Variants in CNTN4 observed in about 807,000 individuals in gnomAD.
CNTN4 encodes the protein contactin-4.
A neutral mutation model predicts 122.5 loss-of-function variants in CNTN4; 77 were observed. The ratio of observed to expected loss-of-function variants is 0.63; its 90% CI spans 0.52 to 0.76. The LOEUF (loss-of-function observed/expected upper bound fraction) is 0.76. Ranked by LOEUF, CNTN4 falls within the 30% of genes least tolerant of loss-of-function variation. CNTN4 has a pLI of 0.00. For synonymous variants in CNTN4, 512 were observed against 447.0 expected (o/e 1.15, Z -1.83); for missense variants, 1,256 against 1,259.1 (o/e 1.00, Z 0.04).
intron 6 of CNTN4, among the ~76,000 whole-genome samples, chr3:2,778,163 G>C (rs1253048217): frequency 2.1e-5 from 3 of 140,634 alleles, no homozygotes; most frequent in African/African-American, 5.4e-5. Context: ...GTGGTGAGCC[G>C]AGATCGCGCC....
intron 8 of CNTN4, among the ~76,000 whole-genome samples, chr3:2,875,204 A>C (rs1022239563): frequency 7.9e-5 from 12 of 152,110 alleles, no homozygotes; most frequent in Non-Finnish European, 2.9e-5. Flanking sequence ...GCTGGTCTCG[A>C]ACTTCTGACC....
At chr3:2,591,633 G>A (rs2080495957) in intron 4 of CNTN4, among the ~76,000 whole-genome samples, 1 of 51,586 alleles carries the variant, frequency 1.9e-5, no homozygotes, top group African/African-American at 6.5e-5. Context: ...CAAAGTGCTG[G>A]GATTACAGGC....
Position 2,298,827 on chromosome 3 carries a change from G to A in CNTN4, c.-144-40351G>A, listed in dbSNP as rs112749098. Among the ~76,000 whole-genome samples, 930 of 152,274 alleles carry A rather than the reference G, an allele frequency of 6.1e-3. 9 individuals carry two copies. Among genetic ancestry groups the A allele is most frequent in the African/African-American group, 0.021 (879 of 41,550 alleles). On this transcript the variant is annotated intron_variant, in intron 2 of 24. Coordinates refer to ENST00000418658, the MANE Select transcript of CNTN4 (RefSeq NM_175607.3). Reference sequence around the variant, plus strand: ...TTAAAATTAACCTATTACCTGTATGGCCATGATAGTTTTTGTGAGGAGTAA... The same window carrying A: ...TTAAAATTAACCTATTACCTGTATGACCATGATAGTTTTTGTGAGGAGTAA...
intron 2 of CNTN4, among the ~76,000 whole-genome samples, chr3:2,141,766 T>A (rs1281436948): frequency 6.6e-6 from 1 of 152,082 alleles, no homozygotes. Context: ...ACAAGCAGAA[T>A]TACCCCATAC....
chr3:2,522,032 C>A (rs2077235847), intron 3 of CNTN4, among the ~76,000 whole-genome samples: 1 of 152,076 alleles, frequency 6.6e-6, no homozygotes, highest in African/African-American at 2.4e-5. Flanking sequence ...CAATAACCTT[C>A]TAACTCTGCT....
intron 4 of CNTN4, among the ~76,000 whole-genome samples, chr3:2,712,726 G>A (rs1037928856): frequency 6.6e-6 from 1 of 152,186 alleles, no homozygotes; most frequent in African/African-American, 2.4e-5. Flanking sequence ...CATGCTTAGA[G>A]GATTGGTACT....
chr3:2,529,935 A>G (rs2077535385), intron 3 of CNTN4, among the ~76,000 whole-genome samples: 7 of 152,190 alleles, frequency 4.6e-5, no homozygotes, highest in Admixed American at 3.9e-4. Flanking sequence ...GCCCTAGTGC[A>G]GTAGATGAGC....
Position 2,922,608 on chromosome 3 carries a change from A to ATTTTT in CNTN4, c.1208-3003_1208-2999dup, listed in dbSNP as rs547782541. Among the ~76,000 whole-genome samples, 828 of 109,958 alleles carry ATTTTT rather than the reference A, an allele frequency of 7.5e-3. 21 individuals carry two copies. Among genetic ancestry groups the ATTTTT allele is most frequent in the African/African-American group, 0.02 (592 of 29,380 alleles). 72.1% of individuals were successfully genotyped at this position (109,958 alleles called of 152,430 possible). ...TGAGTTAACAAAAGAAAAGAACTTG[A>ATTTTT]TTTTTTTTTTTTTTTTTTTTTTGAG... On this transcript the variant is annotated intron_variant, in intron 12 of 24. Transcript: ENST00000418658.
chr3:2,420,473 T>C (rs1250433387), intron 3 of CNTN4, among the ~76,000 whole-genome samples: 1 of 151,814 alleles, frequency 6.6e-6, no homozygotes, highest in Non-Finnish European at 1.5e-5. Context: ...TCTCACTCTG[T>C]CCCCCAGGCT....
At chr3:2,125,475 C>A (rs549322949) in intron 2 of CNTN4, among the ~76,000 whole-genome samples, 1 of 152,104 alleles carries the variant, frequency 6.6e-6, no homozygotes, top group African/African-American at 2.4e-5. Context: ...GTGCAGATAT[C>A]ACTTCTAGAT....
At chr3:3,047,733 C>G (rs1316951739) in intron 23 of CNTN4, among the ~76,000 whole-genome samples, 1 of 150,068 alleles carries the variant, frequency 6.7e-6, no homozygotes, top group Non-Finnish European at 1.5e-5. Context: ...GAAGCAAGAG[C>G]AAACACATTC....
chr3:2,991,647 A>G (rs1695061993), intron 14 of CNTN4, among the ~76,000 whole-genome samples: 2 of 152,124 alleles, frequency 1.3e-5, no homozygotes, highest in African/African-American at 4.8e-5. Context: ...TCCAAGAAGG[A>G]CATTAACATA....
chr3:2,226,629 C>A (rs540608309), intron 2 of CNTN4, among the ~76,000 whole-genome samples: 1 of 152,064 alleles, frequency 6.6e-6, no homozygotes, highest in Non-Finnish European at 1.5e-5. Context: ...TTCCACTGCA[C>A]CTTCATCATA....
At chr3:2,773,454 C>G (rs1207199339) in intron 6 of CNTN4, among the ~76,000 whole-genome samples, 1 of 152,028 alleles carries the variant, frequency 6.6e-6, no homozygotes, top group East Asian at 1.9e-4. Flanking sequence ...GGAAGGGAAT[C>G]CAACATTCTT....
intron 4 of CNTN4, among the ~76,000 whole-genome samples, chr3:2,613,257 C>T (rs1301583684): frequency 1.3e-5 from 2 of 151,972 alleles, no homozygotes; most frequent in Non-Finnish European, 2.9e-5. Flanking sequence ...CTAAAGTCTC[C>T]CCCAAACTGT....
intron 18 of CNTN4, chr3:3,037,573 C>T (rs1467776697): frequency 1.4e-5 from 7 of 505,726 alleles, no homozygotes; most frequent in Middle Eastern, 5.4e-4. Context: ...GTGCTTAGTC[C>T]TCTCAAAAGC....
rs577228096 is a variant in CNTN4, at chr3:3,053,775, G to T, written c.2812-32G>T. ...CATATTTGGGACCTTTGTGAAGACG[G>T]CAGGTGACACCTGTTCTTTCTGTAT... is the stretch of plus-strand genomic sequence containing the variant. On this transcript the variant is annotated intron_variant, in intron 23 of 24. Transcript: ENST00000418658. The T allele has an allele frequency of 4.3e-6, 7 of 1,610,882 alleles. No individual in the cohort carries two copies. In the East Asian group the frequency reaches 1.1e-4, roughly 26 times the overall value.
At chr3:2,690,118 G>A (rs1381362369) in intron 4 of CNTN4, among the ~76,000 whole-genome samples, 2 of 152,130 alleles carry the variant, frequency 1.3e-5, no homozygotes, top group African/African-American at 2.4e-5. Context: ...CCTGTGATAA[G>A]ATATTAGGGC....
intron 2 of CNTN4, among the ~76,000 whole-genome samples, chr3:2,301,429 G>T (rs576832396): frequency 6.6e-6 from 1 of 152,016 alleles, no homozygotes; most frequent in Non-Finnish European, 1.5e-5. Flanking sequence ...CTTGTAATAC[G>T]CTTTACTACT....
Sources: gnomAD v4.1 joint callset for allele counts (sites outside exome capture counted in the v4.1 genomes callset) on GRCh38, gnomAD v4.1.1 for gene constraint, MANE v1.5 for transcripts, NCBI Gene and HGNC (gene_info 2026-07-23, HGNC 2026-07-21) for gene names.